The following PCDHGB5 variants were observed in gnomAD, a reference collection of about 807,000 sequenced individuals.
PCDHGB5 encodes protocadherin gamma subfamily B, 5.
PCDHGB5 carries 48 observed loss-of-function variants against 62.9 expected under a neutral mutation model. The ratio of observed to expected loss-of-function variants is 0.76; its 90% confidence interval spans 0.61 to 0.97. PCDHGB5 has a LOEUF of 0.97. Among genes scored for constraint, PCDHGB5 ranks in the 50% least tolerant of loss-of-function variants. PCDHGB5 has a pLI of 0.00. For synonymous variants in PCDHGB5, 474 were observed against 511.2 expected (o/e 0.93, Z 0.98); for missense variants, 1,118 against 1,198.6 (o/e 0.93, Z 0.99).
intron 2 of PCDHGB5, among the ~76,000 whole-genome samples, chr5:141,503,780 T>G (rs779791247): frequency 7.2e-5 from 11 of 152,124 alleles, no homozygotes; most frequent in Non-Finnish European, 1.3e-4. Flanking sequence ...GTTCTTAGGC[T>G]GAGTTCATCT....
intron 1 of PCDHGB5, among the ~76,000 whole-genome samples, chr5:141,469,739 A>G (rs1352751978): frequency 1.3e-5 from 2 of 152,262 alleles, no homozygotes; most frequent in African/African-American, 4.8e-5. Flanking sequence ...TACACACCTC[A>G]AAAATTACAA....
rs1415096807 is a variant in PCDHGB5 at position 141,399,762 on chromosome 5, C to T, written c.1635C>T (p.Arg545=). Residue 545 remains arginine (R), a synonymous_variant, in exon 1 of 4, where the codon CGC becomes CGT. Transcript: ENST00000617380. ...CGCTCAGCGCAAACGTGAGCCTGCG[C>T]GTGTTGGTGGGCGACCGAAACGACA... is the stretch of plus-strand genomic sequence containing the variant. The part of the protein sequence containing the change: ...SPALSANVSL[R]VLVGDRNDNA... The T allele has an allele frequency of 2.5e-6, 4 of 1,613,352 alleles. No individual in the cohort carries two copies. The highest frequency in any genetic ancestry group is 2.5e-6 in the Non-Finnish European group (3 of 1,179,812).
intron 1 of PCDHGB5, among the ~76,000 whole-genome samples, chr5:141,425,305 AC>A (rs1239206853): frequency 1.3e-5 from 2 of 152,202 alleles, no homozygotes; most frequent in Non-Finnish European, 2.9e-5. Flanking sequence ...ATCTAAACTA[AC>A]TTCCCAAGAT....
chr5:141,490,004 C>A lies in PCDHGB5; in HGVS notation c.2398-4803C>A. The A allele has an allele frequency of 6.2e-7, 1 of 1,614,174 alleles. No homozygotes were observed. The highest frequency in any genetic ancestry group is 1.7e-5 in the Admixed American group (1 of 60,034). On this transcript the variant is annotated intron_variant, in intron 1 of 3. Transcript: ENST00000617380. The surrounding 1 kb of genome is among the most constrained non-coding windows in gnomAD (Gnocchi z 5.4). ...CTACGTGTGGGAATCCCAGAGAATGCACCCATTGGTACTCTGCTGCTCCGC... is the reference window on the plus strand; with the variant it reads ...CTACGTGTGGGAATCCCAGAGAATGAACCCATTGGTACTCTGCTGCTCCGC...
At position 141,399,470 on chromosome 5, in the gene PCDHGB5, TC is replaced by T; in HGVS notation, c.1345del (p.His449ThrfsTer6). ...GACGTCAACGATAACGCTCCGGTTT[TC>T]CACCAGGCGTCCTACTTAGTCAGTG... is the stretch of plus-strand genomic sequence containing the variant. ...IRDVNDNAPV[F>X]HQASYLVSVP... On this transcript the variant is annotated frameshift_variant, in exon 1 of 4. Transcript: ENST00000617380. LOFTEE classifies it high-confidence loss of function. 1 of 1,614,018 alleles carries T rather than the reference TC, an allele frequency of 6.2e-7. No homozygotes were observed. Among genetic ancestry groups the T allele is most frequent in the South Asian group, 1.1e-5 (1 of 91,086 alleles).
Position 141,398,668 on chromosome 5 carries a change from A to G in PCDHGB5, c.541A>G (p.Ile181Val). Residue 181 changes from isoleucine to valine, a missense_variant, in exon 1 of 4, where the codon ATA (isoleucine) becomes GTA (valine). Ile to Val is a conservative substitution (Grantham distance 29, BLOSUM62 3). This residue lies in a region of PCDHGB5 where 1,034 missense variants were observed against 1,029.1 expected (regional missense o/e 1.00). Transcript: ENST00000617380. ...CTCTCTTAACCCAAGTTTCTCATTA[A>G]TAATTAAGGAGAAACAGGATGGTAG... ...KLSLNPSFSL[I>V]IKEKQDGSKY... The G allele has an allele frequency of 6.2e-7, 1 of 1,614,026 alleles. No individual in the cohort carries two copies. The highest frequency in any genetic ancestry group is 8.5e-7 in the Non-Finnish European group (1 of 1,179,894).
chr5:141,478,594 C>T, intron 1 of PCDHGB5: 2 of 1,569,448 alleles, frequency 1.3e-6, no homozygotes, highest in Non-Finnish European at 1.7e-6. Context: ...TTTTTTATTC[C>T]TACATCATAT....
chr5:141,436,813 G>A (rs537103294), intron 1 of PCDHGB5, among the ~76,000 whole-genome samples: 91 of 152,320 alleles, frequency 6.0e-4, no homozygotes, highest in Non-Finnish European at 1.1e-3. Flanking sequence ...TGTGACAGCT[G>A]GTTTAAAAAT....
chr5:141,486,645 C>T lies in PCDHGB5; in HGVS notation c.2398-8162C>T, dbSNP rs369948556. ...GACTCTGGCTTGAATGCGCTTATCT[C>T]CTACTCACTCCTGGAGCCCAGGAAT... On this transcript the variant is annotated intron_variant, in intron 1 of 3. Coordinates refer to ENST00000617380, the MANE Select transcript of PCDHGB5 (RefSeq NM_018925.3). This position sits in a 1 kb window ranked among gnomAD's most constrained non-coding sequence, Gnocchi z 5.0. 1.9e-6 allele frequency: 3 copies of T among 1,613,752 alleles called. No individual in the cohort carries two copies. The highest frequency in any genetic ancestry group is 2.2e-5 in the East Asian group (1 of 44,896).
rs201412037 is a variant in PCDHGB5, at chr5:141,421,093, A to G, written c.2397+20569A>G. The G allele has an allele frequency of 3.5e-5, 23 of 665,630 alleles. No homozygotes were observed. In the East Asian group the frequency reaches 6.2e-4, roughly 18 times the overall value. 41.2% of individuals were successfully genotyped at this position (665,630 alleles called of 1,614,324 possible). On this transcript the variant is annotated intron_variant, in intron 1 of 3. Coordinates refer to ENST00000617380, the MANE Select transcript of PCDHGB5 (RefSeq NM_018925.3). ...GAGATGGATACTCACAGATCCTGAC[A>G]CTGGAGACTTAGAAGTATTTTCCTT... is the stretch of plus-strand genomic sequence containing the variant.
At position 141,398,071 on chromosome 5, in the gene PCDHGB5, G is replaced by C; in HGVS notation, c.-57G>C. On this transcript the variant is annotated 5_prime_UTR_variant, in exon 1 of 4. Transcript: ENST00000617380. Reference sequence around the variant, plus strand: ...GAGATCCAAAAATCTACAATACAGAGGTTATTTGTAACCTGGCGTCTCCAG... The same window carrying C: ...GAGATCCAAAAATCTACAATACAGACGTTATTTGTAACCTGGCGTCTCCAG... 1 of 1,587,000 alleles carries C rather than the reference G, an allele frequency of 6.3e-7. No homozygotes were observed. The highest frequency in any genetic ancestry group is 1.1e-5 in the South Asian group (1 of 87,486).
chr5:141,481,658 T>C (rs910422064), intron 1 of PCDHGB5, among the ~76,000 whole-genome samples: 2 of 150,554 alleles, frequency 1.3e-5, no homozygotes, highest in East Asian at 2.0e-4. Context: ...TCTCTACTAA[T>C]AATACAAAAA....
Position 141,476,511 on chromosome 5 carries a change from A to G in PCDHGB5, c.2398-18296A>G, listed in dbSNP as rs1562054650. Reference sequence around the variant, plus strand: ...GTGATCCAGGACATCAACGACAACAATCCTGCTTTCCCTACCCAGGAAATG... The same window carrying G: ...GTGATCCAGGACATCAACGACAACAGTCCTGCTTTCCCTACCCAGGAAATG... On this transcript the variant is annotated intron_variant, in intron 1 of 3. Transcript: ENST00000617380. The surrounding 1 kb of genome is among the most constrained non-coding windows in gnomAD (Gnocchi z 7.6). The G allele has an allele frequency of 5.0e-6, 8 of 1,613,902 alleles. No individual in the cohort carries two copies. The highest frequency in any genetic ancestry group is 6.8e-6 in the Non-Finnish European group (8 of 1,179,960).
At chr5:141,419,729 G>A in intron 1 of PCDHGB5, 1 of 1,613,758 alleles carries the variant, frequency 6.2e-7, no homozygotes, top group Non-Finnish European at 8.5e-7. Context: ...GCTGCGAACA[G>A]GCGAGGTGCG....
At position 141,398,684 on chromosome 5, in the gene PCDHGB5, A is replaced by G. The variant is rs752285568; in HGVS notation, c.557A>G (p.Gln186Arg). The part of the protein sequence containing the change: ...PSFSLIIKEK[Q>R]DGSKYPELAL... ...TTCTCATTAATAATTAAGGAGAAAC[A>G]GGATGGTAGTAAATACCCGGAACTG... The change falls in exon 1 of 4, where the codon CAG becomes CGG. Residue 186 changes from glutamine (Q) to arginine (R), a missense_variant. Gln to Arg is a conservative substitution (Grantham distance 43). Coordinates refer to ENST00000617380, the MANE Select transcript of PCDHGB5 (RefSeq NM_018925.3). The G allele has an allele frequency of 6.2e-7, 1 of 1,613,958 alleles. No individual in the cohort carries two copies. The highest frequency in any genetic ancestry group is 1.7e-5 in the Admixed American group (1 of 60,036).
rs756068630 is a variant in PCDHGB5 at position 141,399,615 on chromosome 5, A to G, written c.1488A>G (p.Ala496=). 2 of 1,613,942 alleles carry G rather than the reference A, an allele frequency of 1.2e-6. No individual in the cohort carries two copies. Among genetic ancestry groups the G allele is most frequent in the South Asian group, 1.1e-5 (1 of 91,088 alleles). Residue 496 remains alanine, a synonymous_variant, in exon 1 of 4, where the codon GCA becomes GCG. Transcript: ENST00000617380. ...SIMASDLEPL[A]LASYVSMSAQ... ...TGGCCAGCGACCTAGAGCCTCTGGC[A>G]CTGGCCTCTTACGTGTCCATGAGCG...
intron 1 of PCDHGB5, among the ~76,000 whole-genome samples, chr5:141,492,670 C>T (rs567661944): frequency 6.6e-6 from 1 of 152,344 alleles, no homozygotes; most frequent in South Asian, 2.1e-4. Context: ...CCCGGGACTC[C>T]GTCTCAAGGG....
rs1340147578 is a variant in PCDHGB5, at chr5:141,487,141, T to C, written c.2398-7666T>C. On this transcript the variant is annotated intron_variant, in intron 1 of 3. Transcript: ENST00000617380. This position sits in a 1 kb window ranked among gnomAD's most constrained non-coding sequence, Gnocchi z 5.0. ...AGGATAGTGGTAGTCCACCACTCTCTACCTCTGTTACTCTCTTAGTGTCCT... is the reference window on the plus strand; with the variant it reads ...AGGATAGTGGTAGTCCACCACTCTCCACCTCTGTTACTCTCTTAGTGTCCT... The C allele has an allele frequency of 1.2e-6, 2 of 1,613,882 alleles. No individual in the cohort carries two copies. Among genetic ancestry groups the C allele is most frequent in the African/African-American group, 2.7e-5 (2 of 74,934 alleles).
chr5:141,464,180 G>T (rs1251683320), intron 1 of PCDHGB5, among the ~76,000 whole-genome samples: 1 of 151,340 alleles, frequency 6.6e-6, no homozygotes, highest in Non-Finnish European at 1.5e-5. Flanking sequence ...CAGGAGAATT[G>T]CTTGATTTCA....
Sources: allele counts gnomAD v4.1 joint callset (sites outside exome capture counted in the v4.1 genomes callset), GRCh38; gene constraint gnomAD v4.1.1; regional missense constraint gnomAD v4.1.1; non-coding constraint Gnocchi (gnomAD v3.1); transcripts MANE v1.5; gene names NCBI Gene and HGNC (gene_info 2026-07-23, HGNC 2026-07-21).